Variants in CPEB1 observed in about 807,000 individuals in gnomAD.
The protein encoded by CPEB1 is cytoplasmic polyadenylation element-binding protein 1.
A neutral mutation model predicts 65.8 loss-of-function variants in CPEB1; 7 were observed. The observed-to-expected ratio is 0.11, with a 90% CI of 0.06 to 0.20. CPEB1 has a LOEUF of 0.20. Among genes scored for constraint, CPEB1 ranks in the 10% least tolerant of loss-of-function variants. The pLI is 1.00. For missense variants in CPEB1, 551 were observed against 712.2 expected (o/e 0.77, Z 2.58); for synonymous variants, 262 against 260.0 (o/e 1.01, Z -0.08).
intron 3 of CPEB1, among the ~76,000 whole-genome samples, chr15:82,585,254 C>G (rs898074137): frequency 1.3e-5 from 2 of 152,080 alleles, no homozygotes; most frequent in African/African-American, 4.8e-5. Flanking sequence ...CATTTATTCT[C>G]CAGACAAAAT....
chr15:82,632,566 A>G (rs2151342394), intron 1 of CPEB1, among the ~76,000 whole-genome samples: 1 of 152,184 alleles, frequency 6.6e-6, no homozygotes, highest in African/African-American at 2.4e-5. Context: ...CCTAGGTTGG[A>G]GCACAGTGCT....
intron 10 of CPEB1, among the ~76,000 whole-genome samples, chr15:82,548,477 C>T (rs1042221867): frequency 5.3e-5 from 8 of 152,056 alleles, no homozygotes; most frequent in Non-Finnish European, 1.2e-4. Flanking sequence ...ATCATGTTAG[C>T]GTGAACCATT....
At chr15:82,626,611 C>T (rs1217723100) in intron 3 of CPEB1, among the ~76,000 whole-genome samples, 2 of 152,150 alleles carry the variant, frequency 1.3e-5, no homozygotes, top group Non-Finnish European at 2.9e-5. Context: ...CTCCACTATT[C>T]CTTGGAGTAT....
intron 3 of CPEB1, chr15:82,573,212 T>C (rs894899685): frequency 6.8e-7 from 1 of 1,472,796 alleles, no homozygotes; most frequent in Non-Finnish European, 9.0e-7. Context: ...AAGGGAAAAT[T>C]ATCAGTCTCC....
At chr15:82,618,067 G>A (rs79406057) in intron 3 of CPEB1, among the ~76,000 whole-genome samples, 1,886 of 151,388 alleles carry the variant, frequency 0.012, 33 homozygotes, top group African/African-American at 0.042. Flanking sequence ...TCTATTAATT[G>A]AAAGCTATTC....
At chr15:82,559,184 C>G (rs988765245) in intron 4 of CPEB1, among the ~76,000 whole-genome samples, 2 of 152,128 alleles carry the variant, frequency 1.3e-5, no homozygotes, top group African/African-American at 4.8e-5. Flanking sequence ...ATAAACCTCT[C>G]AAGACTGAAA....
chr15:82,575,924 A>G (rs572621304), intron 3 of CPEB1, among the ~76,000 whole-genome samples: 8 of 152,320 alleles, frequency 5.3e-5, no homozygotes, highest in East Asian at 1.9e-4. Flanking sequence ...TGGTCTGCCC[A>G]TTTCTTACAC....
At chr15:82,566,501 G>C (rs575511380) in intron 4 of CPEB1, among the ~76,000 whole-genome samples, 1 of 152,084 alleles carries the variant, frequency 6.6e-6, no homozygotes, top group Non-Finnish European at 1.5e-5. Context: ...CCCCAAATCT[G>C]CAACTCTATA....
rs1014590408 is a variant in CPEB1, at chr15:82,544,284, T to G, written c.*308A>C. On this transcript the variant is annotated 3_prime_UTR_variant, in exon 13 of 13. Transcript: ENST00000684509. ...TTCTGGACACGTAGTTTTTTTTTTTTTTTTTTTTTTCCCCGCTTTTCATCT... is the reference window on the plus strand; with the variant it reads ...TTCTGGACACGTAGTTTTTTTTTTTGTTTTTTTTTTCCCCGCTTTTCATCT... 6 of 226,474 alleles carry G rather than the reference T, an allele frequency of 2.6e-5. No homozygotes were observed. Among genetic ancestry groups the G allele is most frequent in the Non-Finnish European group, 4.3e-5 (5 of 116,248 alleles). 14.0% of individuals were successfully genotyped at this position (226,474 alleles called of 1,614,324 possible).
intron 3 of CPEB1, among the ~76,000 whole-genome samples, chr15:82,603,885 G>A (rs1052128438): frequency 3.9e-5 from 6 of 152,138 alleles, no homozygotes; most frequent in African/African-American, 1.4e-4. Context: ...TTCCAGACTT[G>A]CTACATTATT....
At chr15:82,573,136 C>G (rs1391984686) in intron 3 of CPEB1, 31 of 1,535,340 alleles carry the variant, frequency 2.0e-5, no homozygotes, top group Non-Finnish European at 2.4e-5. Flanking sequence ...AATGCTGCCA[C>G]AGAAATAGCT....
At chr15:82,627,078 C>A in intron 3 of CPEB1, 115 bp downstream of exon 3, 1 of 799,628 alleles carries the variant, frequency 1.3e-6, no homozygotes, top group Non-Finnish European at 1.8e-6. Context: ...GCAAGTATTG[C>A]CAGCAACTCA....
rs372840946 is a variant in CPEB1, at chr15:82,578,697, C to T, written c.272-7165G>A. On this transcript the variant is annotated intron_variant, in intron 3 of 12. Coordinates refer to ENST00000684509, the MANE Select transcript of CPEB1 (RefSeq NM_001365242.1). ...ACTTGAACCCAAGAGGCGGAGGTTG[C>T]AGTGAGCCAAGATCATGCCACTGCA... 2.0e-3 allele frequency among the ~76,000 whole-genome samples: 310 copies of T among 152,184 alleles called. 1 individual carries two copies. The highest frequency in any genetic ancestry group is 7.3e-3 in the African/African-American group (304 of 41,538).
At chr15:82,551,540 C>A (rs1451764814) in intron 9 of CPEB1, among the ~76,000 whole-genome samples, 1 of 152,158 alleles carries the variant, frequency 6.6e-6, no homozygotes, top group Non-Finnish European at 1.5e-5. Context: ...CCCTAAAAAT[C>A]CTCTGTGCTA....
chr15:82,648,102 A>G, upstream of CPEB1: 1 of 364,808 alleles, frequency 2.7e-6, no homozygotes, highest in African/African-American at 2.1e-5. Context: ...CGCCCCTCCT[A>G]GCAGGCCGAG....
chr15:82,555,777 T>C, intron 6 of CPEB1, 93 bp downstream of exon 6: 2 of 1,408,682 alleles, frequency 1.4e-6, no homozygotes, highest in Non-Finnish European at 9.7e-7. Flanking sequence ...CCAAGCCTCC[T>C]CTAGACAGTT....
intron 3 of CPEB1, among the ~76,000 whole-genome samples, chr15:82,606,796 C>A (rs71412260): frequency 2.4e-5 from 1 of 40,958 alleles, no homozygotes; most frequent in Non-Finnish European, 4.5e-5. Flanking sequence ...CCAGCCTGGG[C>A]GACAGAGCGA....
In CPEB1 at chr15:82,544,511, C is replaced by A; in HGVS notation, c.*81G>T. On this transcript the variant is annotated 3_prime_UTR_variant, in exon 13 of 13. Transcript: ENST00000684509. ...GTCCTTGGGAAGCCAGCTCCCTGGTCGCCAGTGGCAGGGTGGTGCAGGCTG... is the reference window on the plus strand; with the variant it reads ...GTCCTTGGGAAGCCAGCTCCCTGGTAGCCAGTGGCAGGGTGGTGCAGGCTG... 1.0e-6 allele frequency: 1 copy of A among 984,854 alleles called. No homozygotes were observed. Among genetic ancestry groups the A allele is most frequent in the South Asian group, 1.5e-5 (1 of 66,150 alleles). 61.0% of individuals were successfully genotyped at this position (984,854 alleles called of 1,614,324 possible).
chr15:82,590,317 T>C (rs574706803), intron 3 of CPEB1, among the ~76,000 whole-genome samples: 1 of 151,934 alleles, frequency 6.6e-6, no homozygotes, highest in Non-Finnish European at 1.5e-5. Context: ...ATTACACATA[T>C]TTTTTCCTCC....
Sources: gnomAD v4.1 joint callset for allele counts (sites outside exome capture counted in the v4.1 genomes callset) on GRCh38, gnomAD v4.1.1 for gene constraint, MANE v1.5 for transcripts, NCBI Gene and HGNC (gene_info 2026-07-23, HGNC 2026-07-21) for gene names.